The following DNER variants were observed in gnomAD, a reference collection of about 807,000 sequenced individuals.
DNER encodes the protein delta/notch like EGF repeat containing.
DNER carries 33 observed loss-of-function variants against 78.2 expected under a neutral mutation model. The ratio of observed to expected loss-of-function variants is 0.42; its 90% CI spans 0.32 to 0.56. The LOEUF (loss-of-function observed/expected upper bound fraction) is 0.56, where lower values mean the gene tolerates loss of function less well. Ranked by LOEUF, DNER falls within the 20% of genes least tolerant of loss-of-function variation. The pLI, the probability that DNER is intolerant of heterozygous loss-of-function variation, is 0.11. For synonymous variants in DNER, 417 were observed against 384.8 expected (o/e 1.08, Z -0.98); for missense variants, 918 against 975.3 (o/e 0.94, Z 0.78).
At chr2:229,694,199 A>G (rs1699627765) in intron 1 of DNER, among the ~76,000 whole-genome samples, 1 of 152,154 alleles carries the variant, frequency 6.6e-6, no homozygotes. Context: ...AGGTTTGGGA[A>G]CCTCCACCTA....
intron 5 of DNER, among the ~76,000 whole-genome samples, chr2:229,545,916 A>C (rs966965756): frequency 2.6e-5 from 4 of 152,208 alleles, no homozygotes; most frequent in African/African-American, 9.6e-5. Flanking sequence ...ACTAAGGAGG[A>C]AATTACCACA....
chr2:229,567,641 G>A (rs531807026), intron 4 of DNER, among the ~76,000 whole-genome samples: 3 of 152,280 alleles, frequency 2.0e-5, no homozygotes, highest in African/African-American at 7.2e-5. Flanking sequence ...AGAGCCCCAA[G>A]CCAATTTAGG....
At chr2:229,645,387 T>C (rs1698699837) in intron 1 of DNER, among the ~76,000 whole-genome samples, 1 of 152,212 alleles carries the variant, frequency 6.6e-6, no homozygotes, top group Non-Finnish European at 1.5e-5. Flanking sequence ...TCATAGTTAA[T>C]AGGTGAACAG....
chr2:229,524,998 G>A (rs777795611), intron 5 of DNER, among the ~76,000 whole-genome samples: 4 of 152,286 alleles, frequency 2.6e-5, no homozygotes, highest in African/African-American at 2.4e-5. Flanking sequence ...CAAGGCTGCC[G>A]TCTCCATGCA....
At chr2:229,712,699 G>C (rs558788381) in intron 1 of DNER, among the ~76,000 whole-genome samples, 2 of 152,252 alleles carry the variant, frequency 1.3e-5, no homozygotes, top group South Asian at 4.1e-4. Context: ...TGTTCTAATG[G>C]TTAGAATGGC....
At chr2:229,372,510 T>TGA (rs1208788703) in intron 11 of DNER, among the ~76,000 whole-genome samples, 2 of 152,062 alleles carry the variant, frequency 1.3e-5, no homozygotes, top group African/African-American at 2.4e-5. Context: ...CATGACTGCT[T>TGA]GAGAGAGAGG....
intron 1 of DNER, among the ~76,000 whole-genome samples, chr2:229,669,509 G>A (rs1366232695): frequency 6.6e-6 from 1 of 152,082 alleles, no homozygotes; most frequent in Non-Finnish European, 1.5e-5. Context: ...TTGGGCATAC[G>A]GCCATTTGCA....
At chr2:229,457,682 T>C (rs1398895231) in intron 7 of DNER, among the ~76,000 whole-genome samples, 1 of 140,894 alleles carries the variant, frequency 7.1e-6, no homozygotes, top group Non-Finnish European at 1.5e-5. Flanking sequence ...TAAATAGCAA[T>C]GAGGTAGACT....
chr2:229,597,852 C>T (rs374792961), intron 1 of DNER, among the ~76,000 whole-genome samples: 4 of 152,232 alleles, frequency 2.6e-5, no homozygotes, highest in Non-Finnish European at 4.4e-5. Context: ...ACTTTTCACC[C>T]GTGTCAAATA....
chr2:229,567,986 C>T (rs1440521020), intron 4 of DNER, among the ~76,000 whole-genome samples: 2 of 152,192 alleles, frequency 1.3e-5, no homozygotes, highest in African/African-American at 2.4e-5. Flanking sequence ...AAATCCCAAT[C>T]TGAGTGTGAA....
At chr2:229,496,521 AT>A (rs1246561032) in intron 6 of DNER, among the ~76,000 whole-genome samples, 13 of 152,176 alleles carry the variant, frequency 8.5e-5, no homozygotes, top group Non-Finnish European at 1.3e-4. Context: ...GGATGCATGA[AT>A]TTTTTTAAGT....
At chr2:229,675,741 T>C (rs1249327842) in intron 1 of DNER, among the ~76,000 whole-genome samples, 1 of 152,194 alleles carries the variant, frequency 6.6e-6, no homozygotes, top group Non-Finnish European at 1.5e-5. Flanking sequence ...TACTCTTTTA[T>C]AGCATCGATC....
intron 7 of DNER, among the ~76,000 whole-genome samples, chr2:229,473,347 T>C (rs940955606): frequency 2.6e-5 from 4 of 152,234 alleles, no homozygotes; most frequent in Admixed American, 2.0e-4. Flanking sequence ...TGTGATTTCT[T>C]TTAAAGAATA....
At chr2:229,696,178 C>T (rs1185171566) in intron 1 of DNER, among the ~76,000 whole-genome samples, 1 of 152,178 alleles carries the variant, frequency 6.6e-6, no homozygotes, top group African/African-American at 2.4e-5. Context: ...GGGTCCCACC[C>T]CCAGCCCACT....
chr2:229,581,085 C>G (rs1697388187), intron 4 of DNER, among the ~76,000 whole-genome samples: 1 of 152,026 alleles, frequency 6.6e-6, no homozygotes, highest in Non-Finnish European at 1.5e-5. Flanking sequence ...GGACAGGAGG[C>G]AACATGGGGA....
chr2:229,548,211 G>GA (rs1182787140), intron 4 of DNER, among the ~76,000 whole-genome samples: 4 of 152,116 alleles, frequency 2.6e-5, no homozygotes, highest in Admixed American at 6.5e-5. Context: ...CCATTATCAG[G>GA]AAAAAGAGTA....
At chr2:229,376,530 C>A (rs115620569) in intron 11 of DNER, among the ~76,000 whole-genome samples, 6,356 of 152,148 alleles carry the variant, frequency 0.042, 406 homozygotes, top group African/African-American at 0.14. Flanking sequence ...ATAGCAAAAC[C>A]CCTCAAATGT....
intron 11 of DNER, among the ~76,000 whole-genome samples, chr2:229,368,999 C>T (rs112499584): frequency 1.0e-3 from 155 of 152,208 alleles, no homozygotes; most frequent in African/African-American, 3.3e-3. Flanking sequence ...CATCTTCCAG[C>T]ATAAGAGTGG....
intron 5 of DNER, among the ~76,000 whole-genome samples, chr2:229,532,001 G>A (rs1696312662): frequency 6.6e-6 from 1 of 152,108 alleles, no homozygotes; most frequent in Non-Finnish European, 1.5e-5. Context: ...TTGGGGGAAG[G>A]GACAAATGGG....
Sources: gnomAD v4.1 joint callset for allele counts (sites outside exome capture counted in the v4.1 genomes callset) on GRCh38, gnomAD v4.1.1 for gene constraint, MANE v1.5 for transcripts, NCBI Gene and HGNC (gene_info 2026-07-23, HGNC 2026-07-21) for gene names.